Variants in UQCRC1 observed in about 807,000 individuals in gnomAD.
The protein encoded by UQCRC1 is ubiquinol-cytochrome c reductase core protein 1, also known as cytochrome b-c1 complex subunit 1, mitochondrial.
Under a neutral mutation model 58.0 loss-of-function variants are expected in UQCRC1, and 34 were observed. The ratio of observed to expected loss-of-function variants is 0.59; its 90% CI spans 0.45 to 0.78. UQCRC1 has a LOEUF of 0.78. UQCRC1 is among the 30% of genes least tolerant of loss of function. UQCRC1 has a pLI of 0.00. For synonymous variants in UQCRC1, 276 were observed against 248.8 expected (o/e 1.11, Z -1.03); for missense variants, 610 against 646.0 (o/e 0.94, Z 0.60).
At position 48,609,572 on chromosome 3, in the gene UQCRC1, G is replaced by C; in HGVS notation, c.49C>G (p.Leu17Val). Residue 17 changes from leucine (L) to valine (V), a missense_variant, in exon 1 of 13, where the codon CTA becomes GTA. Leu to Val is a conservative substitution (Grantham distance 32, BLOSUM62 1). Transcript: ENST00000203407. Reference sequence around the variant, plus strand: ...CTCACCGAGCGGCGGGCGCGCAATAGCACTTGTGCCCCGGCGGTAGCGGCC... The same window carrying C: ...CTCACCGAGCGGCGGGCGCGCAATACCACTTGTGCCCCGGCGGTAGCGGCC... ...CRAATAGAQV[L>V]LRARRSPALL... The C allele has an allele frequency of 6.4e-7, 1 of 1,570,508 alleles. No homozygotes were observed. The highest frequency in any genetic ancestry group is 8.6e-7 in the Non-Finnish European group (1 of 1,163,268).
intron 2 of UQCRC1, among the ~76,000 whole-genome samples, chr3:48,608,336 G>A (rs1241671780): frequency 6.6e-6 from 1 of 152,232 alleles, no homozygotes; most frequent in Non-Finnish European, 1.5e-5. Flanking sequence ...TGGAATGCAA[G>A]AGGCATTTTA....
At chr3:48,601,659 A>AG (rs1165643494) in intron 6 of UQCRC1, among the ~76,000 whole-genome samples, 192 bp from the exon 7 acceptor site, 1 of 152,214 alleles carries the variant, frequency 6.6e-6, no homozygotes, top group Non-Finnish European at 1.5e-5. Flanking sequence ...CAGGCACCTC[A>AG]GGGCCAAATA....
chr3:48,601,153 A>G, intron 7 of UQCRC1, 35 bp from the exon 8 acceptor site: 1 of 1,579,408 alleles, frequency 6.3e-7, no homozygotes, highest in Middle Eastern at 1.9e-4. Flanking sequence ...AGGAACAGCC[A>G]GACTGCCAGG....
Position 48,604,696 on chromosome 3 carries a change from GCT to G in UQCRC1, c.380_381del (p.Glu127AlafsTer22). 1 of 1,614,170 alleles carries G rather than the reference GCT, an allele frequency of 6.2e-7. No individual in the cohort carries two copies. The highest frequency in any genetic ancestry group is 8.5e-7 in the Non-Finnish European group (1 of 1,180,028). On this transcript the variant is annotated frameshift_variant, in exon 4 of 13. Transcript: ENST00000203407. LOFTEE classifies it high-confidence loss of function. ...AGCGCCTTGATGTAGTAAGCTGTGT[GCT>G]CCCGGGTGCTGTAGGCATTAAGATG... ...GAHLNAYSTR[E>X]HTAYYIKALS...
At position 48,609,203 on chromosome 3, in the gene UQCRC1, G is replaced by A; in HGVS notation, c.169C>T (p.Leu57=). Residue 57 remains leucine, a synonymous_variant, in exon 2 of 13, where the codon CTG becomes TTG. Coordinates refer to ENST00000203407, the MANE Select transcript of UQCRC1 (RefSeq NM_003365.3). Reference sequence around the variant, plus strand: ...GAGGACTGCTCGGAGGCCACACGCAGGCCGTTGTCCAGCAGGCTAACCTGC... The same window carrying A: ...GAGGACTGCTCGGAGGCCACACGCAAGCCGTTGTCCAGCAGGCTAACCTGC... The part of the protein sequence containing the change: ...ETQVSLLDNG[L]RVASEQSSQP... The A allele has an allele frequency of 1.2e-6, 2 of 1,612,824 alleles. No individual in the cohort carries two copies. Among genetic ancestry groups the A allele is most frequent in the African/African-American group, 1.3e-5 (1 of 75,054 alleles).
intron 2 of UQCRC1, among the ~76,000 whole-genome samples, chr3:48,608,518 T>C (rs1559458157): frequency 2.0e-5 from 3 of 152,210 alleles, no homozygotes; most frequent in Non-Finnish European, 4.4e-5. Flanking sequence ...CCTTTTCCTA[T>C]GCTTAGTAAC....
chr3:48,599,505 G>A (rs1575511330), intron 12 of UQCRC1, 130 bp downstream of exon 12: 2 of 1,008,196 alleles, frequency 2.0e-6, no homozygotes, highest in African/African-American at 3.2e-5. Context: ...CAGGGGACTG[G>A]GGAGAGCTGC....
At position 48,601,548 on chromosome 3, in the gene UQCRC1, C is replaced by A. The variant is rs567042873; in HGVS notation, c.707-81G>T. 113 of 1,298,118 alleles carry A rather than the reference C, an allele frequency of 8.7e-5. No homozygotes were observed. In the African/African-American group the frequency reaches 1.5e-3, roughly 17 times the overall value. 80.4% of individuals were successfully genotyped at this position (1,298,118 alleles called of 1,614,324 possible). A position where few individuals can be genotyped will look rare whatever the true frequency, so the allele number is the denominator to read the frequency against. ...GGCGATTCACAGACAGGCAGAGGACCCCCATGTCCTGTCTTAGTGGGAGAA... is the reference window on the plus strand; with the variant it reads ...GGCGATTCACAGACAGGCAGAGGACACCCATGTCCTGTCTTAGTGGGAGAA... On this transcript the variant is annotated intron_variant, in intron 6 of 12. Transcript: ENST00000203407.
At chr3:48,604,868 C>T (rs1025029734) in intron 3 of UQCRC1, 88 bp from the exon 4 acceptor site, 66 of 1,559,802 alleles carry the variant, frequency 4.2e-5, no homozygotes, top group South Asian at 3.2e-4. Context: ...AGCAGGACCA[C>T]TGGTCCACAG....
chr3:48,602,588 T>C (rs973921004), intron 6 of UQCRC1, among the ~76,000 whole-genome samples: 1 of 148,342 alleles, frequency 6.7e-6, no homozygotes, highest in African/African-American at 2.5e-5. Context: ...AGTGGTACAA[T>C]CTCAGCTCGC....
Position 48,604,644 on chromosome 3 carries a change from G to C in UQCRC1, c.427+7C>G. On this transcript the variant is annotated splice_region_variant and intron_variant, in intron 4 of 12. Coordinates refer to ENST00000203407, the MANE Select transcript of UQCRC1 (RefSeq NM_003365.3). ...CCTCTGTCCCCGCCTCTTCCTCCAG[G>C]TGTTACCTTTCGGCAGATCCTTGGA... is the stretch of plus-strand genomic sequence containing the variant. 4 of 1,614,162 alleles carry C rather than the reference G, an allele frequency of 2.5e-6. No homozygotes were observed. The highest frequency in any genetic ancestry group is 3.4e-6 in the Non-Finnish European group (4 of 1,180,032).
rs200945906 is a variant in UQCRC1, at chr3:48,600,164, G to A, written c.1214-13C>T. ...ACAGGAGTAGTGCCTTTAAGGGTGA[G>A]AGAAGGCTCAGAGGTCCACCCAGCC... On this transcript the variant is annotated splice_polypyrimidine_tract_variant and intron_variant, in intron 10 of 12. Transcript: ENST00000203407. 1.7e-4 allele frequency: 279 copies of A among 1,613,796 alleles called. 1 individual carries two copies. In the African/African-American group the frequency reaches 3.4e-3, roughly 20 times the overall value.
intron 2 of UQCRC1, 44 bp from the exon 3 acceptor site, chr3:48,605,900 C>T (rs1489034708): frequency 1.9e-6 from 3 of 1,593,868 alleles, no homozygotes; most frequent in Admixed American, 3.4e-5. Flanking sequence ...AAACCACTCC[C>T]CAGCCCCCTA....
At chr3:48,607,243 G>A (rs939391268) in intron 2 of UQCRC1, among the ~76,000 whole-genome samples, 4 of 152,034 alleles carry the variant, frequency 2.6e-5, no homozygotes, top group Admixed American at 6.5e-5. Flanking sequence ...GGGTTTCACC[G>A]TGTTAGCCAG....
At position 48,601,286 on chromosome 3, in the gene UQCRC1, C is replaced by CA. The variant is rs371526560; in HGVS notation, c.822+65dup. The CA allele has an allele frequency of 5.3e-5, 84 of 1,586,160 alleles. No homozygotes were observed. In the African/African-American group the frequency reaches 1.0e-3, roughly 19 times the overall value. ...GTATCTCTGGAGTCACCAGGATAAC[C>CA]ATGCACATGGGGGTCCTCCCACAGG... On this transcript the variant is annotated intron_variant, in intron 7 of 12. Transcript: ENST00000203407.
chr3:48,606,368 T>C (rs1283526713), intron 2 of UQCRC1, among the ~76,000 whole-genome samples: 1 of 152,230 alleles, frequency 6.6e-6, no homozygotes, highest in Non-Finnish European at 1.5e-5. Flanking sequence ...GTTGTTGTTT[T>C]TAATCAGCTC....
At chr3:48,603,946 T>C in intron 5 of UQCRC1, 3 of 583,634 alleles carry the variant, frequency 5.1e-6, no homozygotes. Flanking sequence ...CCCGGAGCCA[T>C]CCACAAAGGA....
chr3:48,599,675 G>C lies in UQCRC1; in HGVS notation c.1338C>G (p.Ser446=). ...CTGGGCACTGGTCATAGATGTACTT[G>C]GAGCAGATCTCACGTACCACACTGG... The part of the protein sequence containing the change: ...VDASVVREIC[S]KYIYDQCPAV... Residue 446 remains serine, a synonymous_variant, in exon 12 of 13, where the codon TCC becomes TCG. Transcript: ENST00000203407. The C allele has an allele frequency of 6.2e-7, 1 of 1,613,918 alleles. No homozygotes were observed. Among genetic ancestry groups the C allele is most frequent in the Non-Finnish European group, 8.5e-7 (1 of 1,179,982 alleles).
chr3:48,604,712 G>A lies in UQCRC1; in HGVS notation c.366C>T (p.Ala122=). ...AAGCTGTGTGCTCCCGGGTGCTGTA[G>A]GCATTAAGATGGGCCCCCATGCTCT... ...EVESMGAHLN[A]YSTREHTAYY... Residue 122 remains alanine, a synonymous_variant, in exon 4 of 13, where the codon GCC becomes GCT. Transcript: ENST00000203407. 4 of 1,614,176 alleles carry A rather than the reference G, an allele frequency of 2.5e-6. No homozygotes were observed. Among genetic ancestry groups the A allele is most frequent in the Non-Finnish European group, 2.5e-6 (3 of 1,180,040 alleles).
Sources: allele counts gnomAD v4.1 joint callset (sites outside exome capture counted in the v4.1 genomes callset), GRCh38; gene constraint gnomAD v4.1.1; transcripts MANE v1.5; gene names NCBI Gene and HGNC (gene_info 2026-07-23, HGNC 2026-07-21).